GPN1: variants seen among roughly 807,000 people sequenced by gnomAD.
GPN1 encodes GPN-loop GTPase 1.
A neutral mutation model predicts 55.9 loss-of-function variants in GPN1; 44 were observed. That is an observed-to-expected ratio of 0.79 (90% CI 0.62 to 1.01). The LOEUF is 1.01. GPN1 is among the 50% of genes least tolerant of loss of function. GPN1 has a pLI of 0.00. For missense variants in GPN1, 466 were observed against 462.8 expected (o/e 1.01, Z -0.06); for synonymous variants, 179 against 162.5 (o/e 1.10, Z -0.77).
At chr2:27,642,870 C>T (rs1268266938) in intron 12 of GPN1, among the ~76,000 whole-genome samples, 3 of 151,178 alleles carry the variant, frequency 2.0e-5, no homozygotes, top group African/African-American at 7.3e-5. Flanking sequence ...TGGCCGGTTA[C>T]ACTTATTTCT....
chr2:27,629,664 G>A lies in GPN1; in HGVS notation c.112-195G>A, dbSNP rs542131841. On this transcript the variant is annotated intron_variant, in intron 1 of 13. Transcript: ENST00000610189. ...AAGTAAACAAGTGACTACGAGTAGGGGAAGCTTTGTTAGATGGGTGATGAA... is the reference window on the plus strand; with the variant it reads ...AAGTAAACAAGTGACTACGAGTAGGAGAAGCTTTGTTAGATGGGTGATGAA... Among the ~76,000 whole-genome samples the A allele has an allele frequency of 3.8e-4, 58 of 152,270 alleles. No individual in the cohort carries two copies. In the South Asian group the frequency reaches 0.012, roughly 32 times the overall value.
At chr2:27,640,172 A>G in intron 10 of GPN1, 47 bp downstream of exon 10, 1 of 1,215,762 alleles carries the variant, frequency 8.2e-7, no homozygotes, top group Non-Finnish European at 1.2e-6. Context: ...AATAACCTAC[A>G]ATTCTGATAT....
intron 8 of GPN1, among the ~76,000 whole-genome samples, chr2:27,638,623 C>G (rs952692287): frequency 6.6e-6 from 1 of 151,872 alleles, no homozygotes; most frequent in African/African-American, 2.4e-5. Flanking sequence ...ACTTCAGAGC[C>G]TAGAATGTGC....
intron 1 of GPN1, 200 bp downstream of exon 1, chr2:27,629,369 C>G: frequency 6.5e-7 from 1 of 1,550,240 alleles, no homozygotes; most frequent in Non-Finnish European, 8.7e-7. Flanking sequence ...TTCTGCGCAC[C>G]TTCAGGGCAT....
In GPN1 at chr2:27,650,192, A is replaced by C; in HGVS notation, c.1117A>C (p.Asn373His). ...GATGGCACAATACTGGAAGAGAAACAATAAATAGGAGACTTTAGCACACTT... is the reference window on the plus strand; with the variant it reads ...GATGGCACAATACTGGAAGAGAAACCATAAATAGGAGACTTTAGCACACTT... ...ESMAQYWKRN[N>H]K Residue 373 changes from asparagine to histidine, a missense_variant, in exon 14 of 14, where the codon AAT (asparagine) becomes CAT (histidine). By Grantham distance (68) the Asn-to-His change is moderately conservative (BLOSUM62 1). Coordinates refer to ENST00000610189, the MANE Select transcript of GPN1 (RefSeq NM_007266.4). 2.5e-6 allele frequency: 4 copies of C among 1,578,250 alleles called. No homozygotes were observed. The highest frequency in any genetic ancestry group is 3.5e-6 in the Non-Finnish European group (4 of 1,147,528).
At chr2:27,636,063 A>G (rs1673720748) in intron 7 of GPN1, among the ~76,000 whole-genome samples, 1 of 151,886 alleles carries the variant, frequency 6.6e-6, no homozygotes, top group African/African-American at 2.4e-5. Flanking sequence ...AAATATACAA[A>G]AAATTAGCCA....
chr2:27,631,627 GA>G, intron 3 of GPN1: 1 of 587,572 alleles, frequency 1.7e-6, no homozygotes, highest in Admixed American at 3.1e-5. Flanking sequence ...CATTTTGCCT[GA>G]CCACTCCTTA....
intron 12 of GPN1, among the ~76,000 whole-genome samples, chr2:27,647,555 A>G (rs1425569946): frequency 6.6e-6 from 1 of 152,208 alleles, no homozygotes; most frequent in Non-Finnish European, 1.5e-5. Flanking sequence ...GTGAGCCAGT[A>G]AAAAAGAATG....
At position 27,642,511 on chromosome 2, in the gene GPN1, C is replaced by G. The variant is rs1673997393; in HGVS notation, c.923C>G (p.Thr308Ser). 2 of 1,600,256 alleles carry G rather than the reference C, an allele frequency of 1.2e-6. No individual in the cohort carries two copies. The highest frequency in any genetic ancestry group is 2.7e-5 in the African/African-American group (2 of 74,544). ...DMGSVALDAG[T>S]AKDSLSPVLH... ...GGTTCTGTAGCCTTGGATGCAGGGA[C>G]TGCCAAAGGTATTGGAGGGTTTCTT... Residue 308 changes from threonine to serine, a missense_variant, in exon 12 of 14, where the codon ACT becomes AGT. By Grantham distance (58) the Thr-to-Ser change is moderately conservative. Coordinates refer to ENST00000610189, the MANE Select transcript of GPN1 (RefSeq NM_007266.4).
upstream of GPN1, chr2:27,628,963 A>T: frequency 1.3e-6 from 2 of 1,572,672 alleles, no homozygotes; most frequent in Admixed American, 1.9e-5. Flanking sequence ...CTCCTTTCTG[A>T]CGCTGTGGTG....
chr2:27,645,266 C>T lies in GPN1; in HGVS notation c.932-2570C>T, dbSNP rs573338987. On this transcript the variant is annotated intron_variant, in intron 12 of 13. Transcript: ENST00000610189. The stretch of plus-strand genomic sequence containing the variant: ...GATCATAGGCATAAGCCACCATCCC[C>T]AGCCCATTTTTTTTTTCTTTTAACT... 9.2e-5 allele frequency among the ~76,000 whole-genome samples: 14 copies of T among 152,258 alleles called. 1 individual carries two copies. In the South Asian group the frequency reaches 2.9e-3, roughly 32 times the overall value.
At chr2:27,648,718 C>T (rs191330759) in intron 13 of GPN1, among the ~76,000 whole-genome samples, 4 of 152,288 alleles carry the variant, frequency 2.6e-5, no homozygotes, top group African/African-American at 7.2e-5. Context: ...TGACTGCAAC[C>T]GCTGCCTCCC....
chr2:27,639,938 A>T (rs933930795), intron 9 of GPN1, 105 bp from the exon 10 acceptor site: 7 of 839,624 alleles, frequency 8.3e-6, no homozygotes, highest in Non-Finnish European at 1.4e-5. Context: ...TTCTCAAAAT[A>T]TAAACCACTC....
At chr2:27,641,410 CTTTA>C in intron 11 of GPN1, 131 bp downstream of exon 11, 1 of 584,854 alleles carries the variant, frequency 1.7e-6, no homozygotes. Flanking sequence ...TTTTTTGTAG[CTTTA>C]TTGAGGTACA....
Position 27,647,897 on chromosome 2 carries a change from AGAG to A in GPN1, c.996_998del (p.Glu332del). The A allele has an allele frequency of 6.2e-7, 1 of 1,613,784 alleles. No individual in the cohort carries two copies. Among genetic ancestry groups the A allele is most frequent in the Non-Finnish European group, 8.5e-7 (1 of 1,179,666 alleles). On this transcript the variant is annotated inframe_deletion, in exon 13 of 14. Coordinates refer to ENST00000610189, the MANE Select transcript of GPN1 (RefSeq NM_007266.4). Reference sequence around the variant, plus strand: ...TCCTGACTCGAGGAACCTTGGATGAAGAGGATGAGGAAGCAGACAGCGATACTG... The same window carrying A: ...TCCTGACTCGAGGAACCTTGGATGAAGATGAGGAAGCAGACAGCGATACTG...
At chr2:27,632,591 T>C in intron 4 of GPN1, 42 bp from the exon 5 acceptor site, 2 of 1,453,946 alleles carry the variant, frequency 1.4e-6, no homozygotes, top group Non-Finnish European at 1.9e-6. Context: ...TGATTTTGTG[T>C]TGAAATCGGA....
chr2:27,638,394 G>T (rs1673814270), intron 8 of GPN1, 139 bp downstream of exon 8: 2 of 591,636 alleles, frequency 3.4e-6, no homozygotes, highest in Non-Finnish European at 6.1e-6. Flanking sequence ...TAGGCACTTC[G>T]AGAAAATGAA....
intron 13 of GPN1, 78 bp downstream of exon 13, chr2:27,648,021 T>A: frequency 1.2e-6 from 1 of 808,554 alleles, no homozygotes; most frequent in Non-Finnish European, 2.1e-6. Context: ...GTTTCTTGCT[T>A]TAAGCGTGTA....
chr2:27,634,695 G>C, intron 5 of GPN1, 151 bp from the exon 6 acceptor site: 1 of 621,624 alleles, frequency 1.6e-6, no homozygotes. Flanking sequence ...ATCATCATGT[G>C]CAGTTTAGGG....
Sources: gnomAD v4.1 joint callset for allele counts (sites outside exome capture counted in the v4.1 genomes callset) on GRCh38, gnomAD v4.1.1 for gene constraint, MANE v1.5 for transcripts, NCBI Gene and HGNC (gene_info 2026-07-23, HGNC 2026-07-21) for gene names.